COL24A1: variants seen among roughly 807,000 people sequenced by gnomAD.
COL24A1 encodes collagen type XXIV alpha 1 chain.
A neutral mutation model predicts 253.9 loss-of-function variants in COL24A1; 224 were observed. The observed-to-expected ratio is 0.88, with a 90% confidence interval of 0.79 to 0.99. The LOEUF is 0.99. COL24A1 is among the 50% of genes least tolerant of loss of function. The pLI, the probability that COL24A1 is intolerant of heterozygous loss-of-function variation, is 0.00. For missense variants in COL24A1, 2,131 were observed against 2,068.5 expected (o/e 1.03, Z -0.59); for synonymous variants, 685 against 673.7 (o/e 1.02, Z -0.26).
intron 19 of COL24A1, among the ~76,000 whole-genome samples, chr1:86,007,852 G>C (rs763820241): frequency 6.6e-6 from 1 of 152,080 alleles, no homozygotes; most frequent in South Asian, 2.1e-4. Flanking sequence ...GATTTTTAGG[G>C]CAGTAAAAAT....
intron 56 of COL24A1, among the ~76,000 whole-genome samples, chr1:85,745,044 A>G (rs1030809293): frequency 1.3e-5 from 2 of 151,946 alleles, no homozygotes; most frequent in African/African-American, 2.4e-5. Flanking sequence ...TTAGTTTTCA[A>G]GCTAACATAA....
intron 31 of COL24A1, 50 bp downstream of exon 31, chr1:85,895,808 C>A (rs1222513909): frequency 1.1e-5 from 16 of 1,506,124 alleles, no homozygotes; most frequent in Admixed American, 1.9e-5. Flanking sequence ...CCCTTTCCCC[C>A]AAAAATGCAG....
chr1:85,768,229 C>T (rs1667573933), intron 53 of COL24A1, among the ~76,000 whole-genome samples: 1 of 151,710 alleles, frequency 6.6e-6, no homozygotes, highest in African/African-American at 2.4e-5. Flanking sequence ...TACATCAGGA[C>T]ACTGGAGAGG....
At chr1:85,903,491 A>C (rs1434018432) in intron 28 of COL24A1, among the ~76,000 whole-genome samples, 8 of 152,190 alleles carry the variant, frequency 5.3e-5, no homozygotes, top group Non-Finnish European at 1.0e-4. Flanking sequence ...TATAATAGGC[A>C]CCTAAATTTG....
At chr1:85,949,393 C>A (rs1471386636) in intron 24 of COL24A1, among the ~76,000 whole-genome samples, 1 of 152,004 alleles carries the variant, frequency 6.6e-6, no homozygotes, top group Non-Finnish European at 1.5e-5. Flanking sequence ...TTATTTTCAG[C>A]TTGGATATTT....
At chr1:86,012,065 C>T (rs1014301040) in intron 19 of COL24A1, among the ~76,000 whole-genome samples, 2 of 151,984 alleles carry the variant, frequency 1.3e-5, no homozygotes, top group Non-Finnish European at 2.9e-5. Context: ...GCAATCTTCT[C>T]ATTGTAGCCA....
At chr1:85,744,046 T>C (rs924692260) in intron 57 of COL24A1, among the ~76,000 whole-genome samples, 3 of 152,162 alleles carry the variant, frequency 2.0e-5, no homozygotes, top group Non-Finnish European at 2.9e-5. Context: ...AAACATGTCA[T>C]TGTGTTAAAA....
At chr1:86,119,599 C>T (rs11161745) in intron 3 of COL24A1, among the ~76,000 whole-genome samples, 26,573 of 151,976 alleles carry the variant, frequency 0.17, 2,451 homozygotes, top group South Asian at 0.27. Context: ...GAACATGAGA[C>T]GACACATGCC....
intron 55 of COL24A1, among the ~76,000 whole-genome samples, chr1:85,746,891 G>T (rs1665280990): frequency 6.6e-6 from 1 of 151,944 alleles, no homozygotes; most frequent in Admixed American, 6.6e-5. Context: ...CAAAAATATT[G>T]GCACTAAATA....
intron 3 of COL24A1, among the ~76,000 whole-genome samples, chr1:86,121,290 TAA>T (rs66557706): frequency 2.6e-5 from 4 of 151,774 alleles, no homozygotes; most frequent in African/African-American, 4.8e-5. Flanking sequence ...TAAAGTATAA[TAA>T]AAAAAAATTC....
intron 14 of COL24A1, among the ~76,000 whole-genome samples, chr1:86,024,229 T>C (rs1425824196): frequency 6.6e-6 from 1 of 152,166 alleles, no homozygotes; most frequent in Non-Finnish European, 1.5e-5. Flanking sequence ...TTACCAGTAC[T>C]AGAATGCACT....
chr1:85,873,167 T>G (rs1279094272), intron 35 of COL24A1, among the ~76,000 whole-genome samples: 1 of 152,156 alleles, frequency 6.6e-6, no homozygotes, highest in Non-Finnish European at 1.5e-5. Flanking sequence ...ATGGCGATCA[T>G]TAAAAAGTCA....
At chr1:85,881,434 T>A (rs1681832148) in intron 32 of COL24A1, among the ~76,000 whole-genome samples, 2 of 151,186 alleles carry the variant, frequency 1.3e-5, no homozygotes, top group Admixed American at 6.6e-5. Context: ...CTGACCAACC[T>A]GGTGAAACCC....
intron 7 of COL24A1, among the ~76,000 whole-genome samples, chr1:86,069,213 G>A (rs1701695676): frequency 6.6e-6 from 1 of 152,058 alleles, no homozygotes. Flanking sequence ...CAGCATTTCT[G>A]GACCGTCCCT....
chr1:86,050,207 G>A lies in COL24A1; in HGVS notation c.1852-30C>T, dbSNP rs1700205402. On this transcript the variant is annotated intron_variant, in intron 10 of 59. Coordinates refer to ENST00000370571, the MANE Select transcript of COL24A1 (RefSeq NM_152890.7). Reference sequence around the variant, plus strand: ...AAACAAGAAAATAGTCTGTATATTAGTTCATTTGAATATTCTCCCCATAAG... The same window carrying A: ...AAACAAGAAAATAGTCTGTATATTAATTCATTTGAATATTCTCCCCATAAG... 1.9e-6 allele frequency: 3 copies of A among 1,589,700 alleles called. No homozygotes were observed. In the South Asian group the frequency reaches 3.3e-5, roughly 18 times the overall value.
chr1:85,761,778 ATAT>A (rs1377130292), intron 53 of COL24A1, among the ~76,000 whole-genome samples: 1 of 152,308 alleles, frequency 6.6e-6, no homozygotes, highest in East Asian at 1.9e-4. Flanking sequence ...CTGTTTATCG[ATAT>A]TATTAGAAAC....
intron 43 of COL24A1, among the ~76,000 whole-genome samples, chr1:85,834,433 C>A (rs1281068742): frequency 6.6e-6 from 1 of 152,070 alleles, no homozygotes; most frequent in Non-Finnish European, 1.5e-5. Flanking sequence ...AGAGGAAGAT[C>A]AGATTAAATT....
rs1324757317 is a variant in COL24A1, at chr1:85,875,319, G to T, written c.3042C>A (p.Gly1014=). Residue 1014 remains glycine (G), a synonymous_variant, in exon 34 of 60, where the codon GGC becomes GGA. Coordinates refer to ENST00000370571, the MANE Select transcript of COL24A1 (RefSeq NM_152890.7). ...PGEMGMEGPP[G]TEGESGLQGE... Reference sequence around the variant, plus strand: ...CTTGCAGACCAGACTCTCCCTCAGTGCCTGGAGGTCCCTACAAGAGAATAA... The same window carrying T: ...CTTGCAGACCAGACTCTCCCTCAGTTCCTGGAGGTCCCTACAAGAGAATAA... The T allele has an allele frequency of 1.2e-6, 2 of 1,613,428 alleles. No individual in the cohort carries two copies. The highest frequency in any genetic ancestry group is 1.3e-5 in the African/African-American group (1 of 74,890).
chr1:86,068,291 A>C (rs576074106), intron 7 of COL24A1, among the ~76,000 whole-genome samples: 2 of 152,190 alleles, frequency 1.3e-5, no homozygotes, highest in South Asian at 4.2e-4. Flanking sequence ...AGTGAATGCC[A>C]CCCCTCCCCC....
Sources: gnomAD v4.1 joint callset for allele counts (sites outside exome capture counted in the v4.1 genomes callset) on GRCh38, gnomAD v4.1.1 for gene constraint, MANE v1.5 for transcripts, NCBI Gene and HGNC (gene_info 2026-07-23, HGNC 2026-07-21) for gene names.